The following RYR2 variants were observed in gnomAD, a reference collection of about 807,000 sequenced individuals.
The protein encoded by RYR2 is ryanodine receptor 2.
In RYR2, 227 loss-of-function variants were observed where a neutral mutation model predicts 601.1. That is an observed-to-expected ratio of 0.38 (90% CI 0.34 to 0.42). The LOEUF (loss-of-function observed/expected upper bound fraction) is 0.42, where lower values mean the gene tolerates loss of function less well. Ranked by LOEUF, RYR2 falls within the 10% of genes least tolerant of loss-of-function variation. The pLI is 1.00. For synonymous variants in RYR2, 2,223 were observed against 2,175.1 expected, an observed-to-expected ratio of 1.02 and a Z score of -0.61; for missense variants, 4,646 against 6,156.5, an observed-to-expected ratio of 0.75 and a Z score of 8.21.
intron 17 of RYR2, among the ~76,000 whole-genome samples, chr1:237,471,344 A>T (rs1363475283): frequency 6.6e-6 from 1 of 152,210 alleles, no homozygotes; most frequent in Non-Finnish European, 1.5e-5. Context: ...ACTGCTCTTC[A>T]TTAAAAGGTA....
At chr1:237,685,212 A>T (rs189310160) in intron 62 of RYR2, among the ~76,000 whole-genome samples, 1 of 152,216 alleles carries the variant, frequency 6.6e-6, no homozygotes, top group Non-Finnish European at 1.5e-5. Context: ...TAGAGAAAAT[A>T]TAGGCTAAAG....
intron 93 of RYR2, 130 bp from the exon 94 acceptor site, chr1:237,791,975 A>G (rs1658429034): frequency 1.5e-6 from 1 of 669,042 alleles, no homozygotes; most frequent in Non-Finnish European, 2.6e-6. Flanking sequence ...AGCCTTTGCT[A>G]TTAGTCCTTT....
chr1:237,634,163 A>T (rs192073213), intron 43 of RYR2, among the ~76,000 whole-genome samples: 1 of 152,230 alleles, frequency 6.6e-6, no homozygotes, highest in South Asian at 2.1e-4. Flanking sequence ...GTGTACTTCC[A>T]TGGTCATTGC....
chr1:237,808,778 C>A, intron 99 of RYR2, 123 bp from the exon 100 acceptor site: 1 of 767,002 alleles, frequency 1.3e-6, no homozygotes, highest in South Asian at 1.9e-5. Flanking sequence ...AGTTATGGAT[C>A]CCATTAGCTT....
intron 13 of RYR2, among the ~76,000 whole-genome samples, chr1:237,442,049 T>G (rs951853874): frequency 2.0e-5 from 3 of 152,248 alleles, no homozygotes; most frequent in Non-Finnish European, 2.9e-5. Context: ...GTTTCTTGAA[T>G]GAAAACATGT....
chr1:237,756,904 T>C (rs1234535389), intron 81 of RYR2, among the ~76,000 whole-genome samples: 1 of 152,222 alleles, frequency 6.6e-6, no homozygotes. Flanking sequence ...TTGCCATAGT[T>C]TGCTGACTCT....
intron 1 of RYR2, among the ~76,000 whole-genome samples, chr1:237,140,000 A>G (rs1673212974): frequency 6.6e-6 from 1 of 152,240 alleles, no homozygotes; most frequent in Non-Finnish European, 1.5e-5. Flanking sequence ...AGCTAAACAT[A>G]GAAAAGTGGA....
At chr1:237,439,818 T>C (rs1406645818) in intron 12 of RYR2, among the ~76,000 whole-genome samples, 1 of 124,056 alleles carries the variant, frequency 8.1e-6, no homozygotes, top group Non-Finnish European at 1.8e-5. Context: ...ACCAATTTGC[T>C]TGAAGAAAAG....
chr1:237,066,998 T>C (rs1165540522), intron 1 of RYR2, among the ~76,000 whole-genome samples: 1 of 152,202 alleles, frequency 6.6e-6, no homozygotes, highest in Non-Finnish European at 1.5e-5. Context: ...AAATGGACTT[T>C]ATAAAAAATG....
intron 12 of RYR2, among the ~76,000 whole-genome samples, chr1:237,429,374 G>A (rs1296503723): frequency 6.6e-6 from 1 of 152,114 alleles, no homozygotes; most frequent in East Asian, 1.9e-4. Context: ...TGGCCAGGGT[G>A]GGGTGGTTAC....
At chr1:237,362,917 C>T (rs540611603) in intron 4 of RYR2, among the ~76,000 whole-genome samples, 166 of 152,270 alleles carry the variant, frequency 1.1e-3, no homozygotes, top group African/African-American at 3.7e-3. Flanking sequence ...ATTCTTCCTA[C>T]AGTCAGACAT....
At chr1:237,365,232 C>A (rs192766536) in intron 5 of RYR2, among the ~76,000 whole-genome samples, 3 of 152,220 alleles carry the variant, frequency 2.0e-5, no homozygotes, top group Admixed American at 1.3e-4. Flanking sequence ...AAGAAAGAGA[C>A]TGTGAGAAAT....
intron 17 of RYR2, among the ~76,000 whole-genome samples, chr1:237,473,548 TG>T (rs1288547980): frequency 6.6e-6 from 1 of 152,068 alleles, no homozygotes; most frequent in East Asian, 1.9e-4. Context: ...CAAAGTTGCC[TG>T]GCTGTAGATA....
chr1:237,489,983 A>G (rs1383964209), intron 17 of RYR2, among the ~76,000 whole-genome samples: 1 of 152,248 alleles, frequency 6.6e-6, no homozygotes, highest in Non-Finnish European at 1.5e-5. Context: ...CATATACACC[A>G]TAGAATACCA....
intron 70 of RYR2, among the ~76,000 whole-genome samples, chr1:237,710,467 G>A (rs1004084703): frequency 5.3e-5 from 8 of 152,122 alleles, no homozygotes; most frequent in African/African-American, 1.7e-4. Context: ...GCCTACATCT[G>A]AGGAGTCTGT....
chr1:237,289,363 T>G (rs1461902099), intron 2 of RYR2, among the ~76,000 whole-genome samples: 1 of 152,192 alleles, frequency 6.6e-6, no homozygotes, highest in Non-Finnish European at 1.5e-5. Flanking sequence ...TTTCTCATGC[T>G]GCTAATAAAG....
At chr1:237,466,973 G>C (rs915601629) in intron 16 of RYR2, among the ~76,000 whole-genome samples, 1 of 151,520 alleles carries the variant, frequency 6.6e-6, no homozygotes, top group African/African-American at 2.4e-5. Flanking sequence ...TACCATGTCT[G>C]TTTGCAGTAA....
At chr1:237,584,817 T>G (rs1218796197) in intron 29 of RYR2, among the ~76,000 whole-genome samples, 1 of 151,980 alleles carries the variant, frequency 6.6e-6, no homozygotes, top group Non-Finnish European at 1.5e-5. Flanking sequence ...CATGCCACCA[T>G]GCCCAGCTAA....
At chr1:237,290,383 T>A (rs12098209) in intron 2 of RYR2, among the ~76,000 whole-genome samples, 2,345 of 152,240 alleles carry the variant, frequency 0.015, 56 homozygotes, top group African/African-American at 0.053. Context: ...CTGCAGAGAC[T>A]TGCAAATGTT....
Sources: allele counts gnomAD v4.1 joint callset (sites outside exome capture counted in the v4.1 genomes callset), GRCh38; gene constraint gnomAD v4.1.1; transcripts MANE v1.5; gene names NCBI Gene and HGNC (gene_info 2026-07-23, HGNC 2026-07-21).